Variants in CNTN5 observed in about 807,000 individuals in gnomAD.
The protein encoded by CNTN5 is contactin 5.
In CNTN5, 77 loss-of-function variants were observed where a neutral mutation model predicts 129.1. That is an observed-to-expected ratio of 0.60 (90% CI 0.50 to 0.72). The LOEUF (loss-of-function observed/expected upper bound fraction) is 0.72. Among genes scored for constraint, CNTN5 ranks in the 30% least tolerant of loss-of-function variants. The pLI, the probability that CNTN5 is intolerant of heterozygous loss-of-function variation, is 0.00. For missense variants in CNTN5, 1,478 were observed against 1,328.8 expected, an observed-to-expected ratio of 1.11 and a Z score of -1.75; for synonymous variants, 509 against 465.6, an observed-to-expected ratio of 1.09 and a Z score of -1.20.
chr11:99,270,968 G>A (rs561527415), intron 1 of CNTN5, among the ~76,000 whole-genome samples: 10 of 151,996 alleles, frequency 6.6e-5, no homozygotes, highest in African/African-American at 2.4e-4. Context: ...TAGACTAAAA[G>A]CTCCATGAAG....
At chr11:99,927,075 G>A (rs905635074) in intron 7 of CNTN5, among the ~76,000 whole-genome samples, 2 of 152,260 alleles carry the variant, frequency 1.3e-5, no homozygotes, top group Middle Eastern at 3.4e-3. Context: ...CCTAAAAGGA[G>A]CTTGTAATTA....
intron 16 of CNTN5, among the ~76,000 whole-genome samples, chr11:100,249,274 A>G (rs1949911293): frequency 1.3e-5 from 2 of 152,174 alleles, no homozygotes; most frequent in South Asian, 2.1e-4. Flanking sequence ...TCGAAGGAAG[A>G]TTTTCTAACT....
chr11:99,169,479 T>C (rs747832810), intron 1 of CNTN5, among the ~76,000 whole-genome samples: 2 of 151,796 alleles, frequency 1.3e-5, no homozygotes, highest in Non-Finnish European at 2.9e-5. Context: ...CTTTAAGAAA[T>C]ATGAAGAAGA....
chr11:99,869,169 G>T lies in CNTN5; in HGVS notation c.577+23907G>T, dbSNP rs564590057. 6.6e-5 allele frequency among the ~76,000 whole-genome samples: 10 copies of T among 152,182 alleles called. No homozygotes were observed. The South Asian group carries it at 1.4e-3, about 22-fold the overall frequency. On this transcript the variant is annotated intron_variant, in intron 6 of 24. Transcript: ENST00000524871. ...AGGATCATTTCCTCCGTAGATTTTT[G>T]TTAGGTTTAGGTCTTTGAATGTTTA...
chr11:99,213,916 T>G (rs1472772540), intron 1 of CNTN5, among the ~76,000 whole-genome samples: 2 of 152,110 alleles, frequency 1.3e-5, no homozygotes, highest in Non-Finnish European at 2.9e-5. Flanking sequence ...TGAGAACAAA[T>G]TTGGGAACTC....
chr11:100,319,716 C>A (rs1232198820), intron 21 of CNTN5, among the ~76,000 whole-genome samples: 1 of 152,158 alleles, frequency 6.6e-6, no homozygotes, highest in Admixed American at 6.5e-5. Flanking sequence ...CCCTCCCAAT[C>A]ATTCTCACCC....
chr11:99,749,488 A>T (rs756801682), intron 3 of CNTN5, among the ~76,000 whole-genome samples: 18 of 152,222 alleles, frequency 1.2e-4, no homozygotes, highest in Admixed American at 2.6e-4. Flanking sequence ...GAAATATTTT[A>T]AAATCAAATA....
intron 3 of CNTN5, among the ~76,000 whole-genome samples, chr11:99,718,366 TAGC>T (rs544139248): frequency 7.0e-4 from 106 of 152,290 alleles, no homozygotes; most frequent in Non-Finnish European, 1.1e-3. Flanking sequence ...AAATTTGTCT[TAGC>T]AGCAGCATAA....
chr11:99,087,141 G>A (rs1314982827), intron 1 of CNTN5, among the ~76,000 whole-genome samples: 1 of 152,106 alleles, frequency 6.6e-6, no homozygotes, highest in Non-Finnish European at 1.5e-5. Context: ...TTTGAATTGA[G>A]GTTATGCCAA....
At chr11:100,083,167 A>C (rs1237133334) in intron 13 of CNTN5, among the ~76,000 whole-genome samples, 1 of 152,052 alleles carries the variant, frequency 6.6e-6, no homozygotes, top group Non-Finnish European at 1.5e-5. Flanking sequence ...AATACAAAAA[A>C]TTAGCTGGGC....
intron 13 of CNTN5, among the ~76,000 whole-genome samples, chr11:100,119,206 A>G (rs1391252083): frequency 6.6e-6 from 1 of 151,910 alleles, no homozygotes; most frequent in Non-Finnish European, 1.5e-5. Flanking sequence ...CAGCATAAAC[A>G]CACGATTGCT....
intron 7 of CNTN5, among the ~76,000 whole-genome samples, chr11:99,932,791 T>G (rs1372729721): frequency 6.6e-6 from 1 of 152,210 alleles, no homozygotes; most frequent in African/African-American, 2.4e-5. Context: ...TATCCGTTTA[T>G]GGTTAACAAA....
chr11:99,089,466 C>T (rs1346174233), intron 1 of CNTN5, among the ~76,000 whole-genome samples: 12 of 152,084 alleles, frequency 7.9e-5, no homozygotes, highest in Admixed American at 2.6e-4. Context: ...AGGACATGGA[C>T]GAATAGTGTT....
intron 6 of CNTN5, among the ~76,000 whole-genome samples, chr11:99,862,347 A>G (rs1948232209): frequency 1.1e-5 from 1 of 88,492 alleles, no homozygotes; most frequent in African/African-American, 3.9e-5. Context: ...GATATCCTTC[A>G]TCTTCGCTTA....
At chr11:99,817,596 G>GTTTTTTTTTTTT (rs372057505) in intron 3 of CNTN5, among the ~76,000 whole-genome samples, 3 of 99,640 alleles carry the variant, frequency 3.0e-5, no homozygotes, top group East Asian at 3.6e-4. Flanking sequence ...GTCTGGGATA[G>GTTTTTTTTTTTT]TTTTTTTTTT....
chr11:99,927,776 A>G (rs1950097006), intron 7 of CNTN5, among the ~76,000 whole-genome samples: 1 of 152,142 alleles, frequency 6.6e-6, no homozygotes, highest in African/African-American at 2.4e-5. Flanking sequence ...AAATCATATT[A>G]TTCCACCTCT....
intron 3 of CNTN5, among the ~76,000 whole-genome samples, chr11:99,667,857 G>T (rs1360672630): frequency 6.6e-6 from 1 of 151,870 alleles, no homozygotes; most frequent in Non-Finnish European, 1.5e-5. Flanking sequence ...AACCACCATG[G>T]CACAGGTATA....
chr11:99,213,120 G>C (rs1859891737), intron 1 of CNTN5, among the ~76,000 whole-genome samples: 1 of 151,340 alleles, frequency 6.6e-6, no homozygotes, highest in African/African-American at 2.4e-5. Flanking sequence ...GAACCCGGGA[G>C]GCGGAGCTTG....
At chr11:99,573,333 G>T (rs942778132) in intron 3 of CNTN5, among the ~76,000 whole-genome samples, 1 of 152,030 alleles carries the variant, frequency 6.6e-6, no homozygotes, top group African/African-American at 2.4e-5. Flanking sequence ...CACTTTGGGC[G>T]GCCTAGGCGG....
Sources: allele counts gnomAD v4.1 joint callset (sites outside exome capture counted in the v4.1 genomes callset), GRCh38; gene constraint gnomAD v4.1.1; transcripts MANE v1.5; gene names NCBI Gene and HGNC (gene_info 2026-07-23, HGNC 2026-07-21).